The following SEPTIN8 variants were observed in gnomAD, a reference collection of about 807,000 sequenced individuals.
SEPTIN8 encodes the protein septin 8.
Under a neutral mutation model 53.1 loss-of-function variants are expected in SEPTIN8, and 22 were observed. The ratio of observed to expected loss-of-function variants is 0.41; its 90% CI spans 0.30 to 0.59. The LOEUF is 0.59. SEPTIN8 is among the 20% of genes least tolerant of loss of function. The pLI, the probability that SEPTIN8 is intolerant of heterozygous loss-of-function variation, is 0.24. For synonymous variants in SEPTIN8, 228 were observed against 248.4 expected (o/e 0.92, Z 0.77); for missense variants, 536 against 638.7 (o/e 0.84, Z 1.73).
intron 5 of SEPTIN8, 73 bp downstream of exon 5, chr5:132,762,410 TG>T: frequency 6.9e-7 from 1 of 1,447,110 alleles, no homozygotes; most frequent in Non-Finnish European, 9.6e-7. Context: ...AAGAGTCTCC[TG>T]GGGCTGTGTC....
At chr5:132,763,668 A>C in intron 4 of SEPTIN8, 38 bp downstream of exon 4, 1 of 1,586,154 alleles carries the variant, frequency 6.3e-7, no homozygotes, top group Non-Finnish European at 8.6e-7. Context: ...GCAGCAGAAG[A>C]CTATGGAGCC....
At position 132,760,953 on chromosome 5, in the gene SEPTIN8, C is replaced by T. The variant is rs759307286; in HGVS notation, c.1135G>A (p.Glu379Lys). Reference sequence around the variant, plus strand: ...TTTTCCTCCACCTTGCGCTTCTCCTCCTGGTGGACCCGCTTCAGGTGCTCA... The same window carrying T: ...TTTTCCTCCACCTTGCGCTTCTCCTTCTGGTGGACCCGCTTCAGGTGCTCA... Reference protein sequence around the residue: ...KFEHLKRVHQEEKRKVEEKRR... With the variant: ...KFEHLKRVHQKEKRKVEEKRR... Residue 379 changes from glutamate to lysine, a missense_variant, in exon 9 of 10, where the codon GAG (glutamate) becomes AAG (lysine). Glu to Lys is a moderately conservative substitution (Grantham distance 56). This residue lies in a region of SEPTIN8 where 133 missense variants were observed against 157.4 expected (regional missense o/e 0.84). Coordinates refer to ENST00000378719, the MANE Select transcript of SEPTIN8 (RefSeq NM_001098811.2). This position sits in a 1 kb window ranked among gnomAD's most constrained non-coding sequence, Gnocchi z 5.2. 1.3e-6 allele frequency: 2 copies of T among 1,592,286 alleles called. No individual in the cohort carries two copies. The highest frequency in any genetic ancestry group is 1.1e-5 in the South Asian group (1 of 87,062).
intron 4 of SEPTIN8, among the ~76,000 whole-genome samples, chr5:132,762,897 C>CA (rs1202316187): frequency 8.5e-5 from 13 of 152,194 alleles, no homozygotes; most frequent in Non-Finnish European, 1.9e-4. Flanking sequence ...CATCCAGCCC[C>CA]AAAACTGGTC....
In SEPTIN8 at chr5:132,773,990, G is replaced by A. The variant is rs1306851934; in HGVS notation, c.30+3118C>T. 2.0e-5 allele frequency: 3 copies of A among 152,664 alleles called. No homozygotes were observed. The highest frequency in any genetic ancestry group is 2.0e-4 in the Admixed American group (3 of 15,290). The allele number at this position is 152,664 out of a possible 1,614,324, so 9.5% of individuals were successfully genotyped here. On this transcript the variant is annotated intron_variant, in intron 1 of 9. Transcript: ENST00000378719. This position sits in a 1 kb window ranked among gnomAD's most constrained non-coding sequence, Gnocchi z 4.2. ...TCACATGTGCCCTGGGAGCTGCACG[G>A]GCATCTCTTGCTCAGCTCCCGTTTT...
chr5:132,754,225 T>C lies in SEPTIN8; in HGVS notation c.1287-2044A>G. The stretch of plus-strand genomic sequence containing the variant: ...TTAGCCTTGCGAGAGTCAGATACAT[T>C]TGGAACACTATCTCCTAGGTCATAT... On this transcript the variant is annotated intron_variant, in intron 9 of 9. Coordinates refer to ENST00000378719, the MANE Select transcript of SEPTIN8 (RefSeq NM_001098811.2). 1.1e-5 allele frequency: 6 copies of C among 569,048 alleles called. No individual in the cohort carries two copies. The South Asian group carries it at 1.2e-4, about 11-fold the overall frequency. The allele number at this position is 569,048 out of a possible 1,614,324, so 35.2% of individuals were successfully genotyped here. A position where few individuals can be genotyped will look rare whatever the true frequency, so the allele number is the denominator to read the frequency against.
intron 5 of SEPTIN8, 86 bp downstream of exon 5, chr5:132,762,398 A>G (rs1194593072): frequency 6.7e-6 from 9 of 1,337,158 alleles, no homozygotes; most frequent in Non-Finnish European, 9.5e-6. Flanking sequence ...ATCCTGGGGA[A>G]CAAGAGTCTC....
intron 9 of SEPTIN8, chr5:132,753,746 G>A (rs1305526612): frequency 6.6e-6 from 1 of 152,392 alleles, no homozygotes; most frequent in Admixed American, 6.5e-5. Flanking sequence ...GGATGAGCAG[G>A]TTCTGAGGCC....
chr5:132,756,389 G>A (rs1406416900), intron 9 of SEPTIN8: 39 of 984,696 alleles, frequency 4.0e-5, no homozygotes, highest in Non-Finnish European at 4.6e-5. Context: ...GAATTATATG[G>A]TGATTCTTCT....
chr5:132,771,452 G>A (rs1414606932), intron 1 of SEPTIN8, among the ~76,000 whole-genome samples: 2 of 152,172 alleles, frequency 1.3e-5, no homozygotes, highest in Non-Finnish European at 2.9e-5. Context: ...GTTCTCCAGT[G>A]CCTTGGACTT....
At chr5:132,757,225 A>AT (rs1755425588) in intron 9 of SEPTIN8, 1 of 984,182 alleles carries the variant, frequency 1.0e-6, no homozygotes, top group Non-Finnish European at 1.2e-6. Context: ...TTTCAGCCCC[A>AT]TAAAATTTAG....
At chr5:132,765,090 G>A (rs1756448230) in intron 2 of SEPTIN8, among the ~76,000 whole-genome samples, 1 of 152,062 alleles carries the variant, frequency 6.6e-6, no homozygotes, top group African/African-American at 2.4e-5. Context: ...AGGGTGGGAA[G>A]CAGTAAATGA....
In SEPTIN8 at chr5:132,758,452, C is replaced by T. The variant is rs1050423061; in HGVS notation, c.1286+2350G>A. ...CACCACGTGAGTTGCCATCTCCACG[C>T]TGAACAATTAGGCCTAGCATCCCGG... On this transcript the variant is annotated intron_variant, in intron 9 of 9. Coordinates refer to ENST00000378719, the MANE Select transcript of SEPTIN8 (RefSeq NM_001098811.2). 12 of 1,596,884 alleles carry T rather than the reference C, an allele frequency of 7.5e-6. No individual in the cohort carries two copies. The African/African-American group carries it at 1.5e-4, about 20-fold the overall frequency.
At chr5:132,753,032 C>A in intron 9 of SEPTIN8, 1 of 1,320,772 alleles carries the variant, frequency 7.6e-7, no homozygotes, top group South Asian at 1.2e-5. Flanking sequence ...CTTGGACTAC[C>A]ATGAGTTCTT....
At chr5:132,758,944 AT>A in intron 9 of SEPTIN8, 1 of 914,370 alleles carries the variant, frequency 1.1e-6, no homozygotes, top group South Asian at 1.3e-5. Context: ...TCAGTTTGGC[AT>A]TTGTGACGAG....
At chr5:132,774,380 C>G (rs369625297) in intron 1 of SEPTIN8, among the ~76,000 whole-genome samples, 1 of 152,190 alleles carries the variant, frequency 6.6e-6, no homozygotes, top group Non-Finnish European at 1.5e-5. Context: ...GAGAAAACAC[C>G]GGAGCTGGCC....
intron 4 of SEPTIN8, 92 bp from the exon 5 acceptor site, chr5:132,762,737 G>A: frequency 7.2e-7 from 1 of 1,396,412 alleles, no homozygotes; most frequent in East Asian, 2.3e-5. Context: ...GACATGCCCA[G>A]GCCATATCCC....
At chr5:132,758,296 C>T in intron 9 of SEPTIN8, 2 of 1,346,414 alleles carry the variant, frequency 1.5e-6, no homozygotes, top group South Asian at 4.4e-5. Context: ...TGTCTTGACG[C>T]TGGTGCCAAA....
chr5:132,758,514 T>C, intron 9 of SEPTIN8: 1 of 1,613,446 alleles, frequency 6.2e-7, no homozygotes, highest in Non-Finnish European at 8.5e-7. Context: ...AACAGCTCCG[T>C]CAGGGAATAG....
At chr5:132,771,293 G>A (rs1483601760) in intron 1 of SEPTIN8, among the ~76,000 whole-genome samples, 1 of 152,154 alleles carries the variant, frequency 6.6e-6, no homozygotes, top group African/African-American at 2.4e-5. Flanking sequence ...ACAGAGCCGG[G>A]GAAGCTGTGG....
Sources: allele counts gnomAD v4.1 joint callset (sites outside exome capture counted in the v4.1 genomes callset), GRCh38; gene constraint gnomAD v4.1.1; regional missense constraint gnomAD v4.1.1; non-coding constraint Gnocchi (gnomAD v3.1); transcripts MANE v1.5; gene names NCBI Gene and HGNC (gene_info 2026-07-23, HGNC 2026-07-21).